The following TMEM232 variants were observed in gnomAD, a reference collection of about 807,000 sequenced individuals.
The protein encoded by TMEM232 is transmembrane protein 232.
Under a neutral mutation model 78.8 loss-of-function variants are expected in TMEM232, and 80 were observed. The ratio of observed to expected loss-of-function variants is 1.01; its 90% CI spans 0.85 to 1.22. The LOEUF (loss-of-function observed/expected upper bound fraction) is 1.22, where lower values mean the gene tolerates loss of function less well. TMEM232 is among the 50% of genes most tolerant of loss of function. The probability of loss-of-function intolerance (pLI) is 0.00; values close to 1 mark genes in which losing one functional copy is unlikely to be tolerated. For synonymous variants in TMEM232, 297 were observed against 254.3 expected, an observed-to-expected ratio of 1.17 and a Z score of -1.60; for missense variants, 881 against 742.2, an observed-to-expected ratio of 1.19 and a Z score of -2.17.
chr5:110,480,032 T>C (rs1003686393), intron 12 of TMEM232, among the ~76,000 whole-genome samples: 1 of 151,890 alleles, frequency 6.6e-6, no homozygotes, highest in East Asian at 1.9e-4. Flanking sequence ...TTATCATATA[T>C]AACTTTCAGC....
intron 2 of TMEM232, among the ~76,000 whole-genome samples, chr5:110,663,333 G>A (rs1370262949): frequency 6.6e-6 from 1 of 151,794 alleles, no homozygotes; most frequent in African/African-American, 2.4e-5. Context: ...GGCATACCTT[G>A]GGAGAATTTA....
At chr5:110,438,262 C>T (rs1253326338) in intron 12 of TMEM232, among the ~76,000 whole-genome samples, 1 of 151,708 alleles carries the variant, frequency 6.6e-6, no homozygotes, top group Non-Finnish European at 1.5e-5. Flanking sequence ...CTGGGTTTGA[C>T]ACTACATCAT....
chr5:110,690,042 A>C (rs1404170556), intron 1 of TMEM232, among the ~76,000 whole-genome samples: 1 of 152,230 alleles, frequency 6.6e-6, no homozygotes, highest in Non-Finnish European at 1.5e-5. Context: ...CTTAGAAGAA[A>C]ACCTAGGCAA....
chr5:110,693,625 G>A (rs953647800), intron 1 of TMEM232, among the ~76,000 whole-genome samples: 8 of 152,186 alleles, frequency 5.3e-5, no homozygotes, highest in African/African-American at 1.9e-4. Context: ...TGATGGAGCT[G>A]AAAACCACGG....
chr5:110,519,909 G>A (rs1581045702), intron 12 of TMEM232, among the ~76,000 whole-genome samples: 2 of 150,946 alleles, frequency 1.3e-5, no homozygotes, highest in Middle Eastern at 7.1e-3. Context: ...ATATTCAGAA[G>A]CTGAATAAAT....
chr5:110,616,921 T>C (rs1219218209), intron 8 of TMEM232, among the ~76,000 whole-genome samples: 1 of 152,202 alleles, frequency 6.6e-6, no homozygotes, highest in African/African-American at 2.4e-5. Flanking sequence ...ACAATCCCAC[T>C]TCTATGTACA....
intron 12 of TMEM232, among the ~76,000 whole-genome samples, chr5:110,452,729 G>A (rs903224813): frequency 6.6e-6 from 1 of 152,156 alleles, no homozygotes; most frequent in African/African-American, 2.4e-5. Context: ...TTAATGTATA[G>A]CCTAGTGTTT....
At chr5:110,417,538 TTAAAG>T (rs1001022013), downstream of TMEM232, 1 of 152,124 alleles carries the variant, frequency 6.6e-6, no homozygotes, top group African/African-American at 2.4e-5. Context: ...GAATTAGTTA[TTAAAG>T]TATAGTAAAG....
chr5:110,711,345 C>A (rs1342204635), intron 1 of TMEM232, among the ~76,000 whole-genome samples: 1 of 152,120 alleles, frequency 6.6e-6, no homozygotes, highest in Non-Finnish European at 1.5e-5. Flanking sequence ...CCAAGACAAT[C>A]TACAGATTCA....
chr5:110,399,456 C>A (rs992837507), intron 2 of TMEM232, among the ~76,000 whole-genome samples: 1 of 152,078 alleles, frequency 6.6e-6, no homozygotes, highest in Non-Finnish European at 1.5e-5. Context: ...CTTTGGGAGA[C>A]AATGAGGGCA....
At chr5:110,490,563 T>C (rs1303780727) in intron 12 of TMEM232, among the ~76,000 whole-genome samples, 1 of 152,108 alleles carries the variant, frequency 6.6e-6, no homozygotes, top group Non-Finnish European at 1.5e-5. Context: ...AAACAGTCTT[T>C]AAAAAGAATA....
intron 12 of TMEM232, among the ~76,000 whole-genome samples, chr5:110,500,261 C>G (rs932209723): frequency 2.9e-5 from 4 of 139,466 alleles, no homozygotes; most frequent in African/African-American, 8.6e-5. Flanking sequence ...TGCACTCTAG[C>G]CTGGGTGACA....
intron 2 of TMEM232, among the ~76,000 whole-genome samples, chr5:110,660,587 T>C (rs537450953): frequency 2.6e-4 from 39 of 152,120 alleles, no homozygotes; most frequent in Non-Finnish European, 4.4e-4. Flanking sequence ...GGGGATAAAT[T>C]ATAAAACACG....
chr5:110,665,891 CAAAAAAAA>C (rs775392111), intron 2 of TMEM232, among the ~76,000 whole-genome samples: 1 of 63,802 alleles, frequency 1.6e-5, no homozygotes, highest in Non-Finnish European at 3.6e-5. Flanking sequence ...CCCATCTCCA[CAAAAAAAA>C]AAAAAAAAAA....
intron 12 of TMEM232, among the ~76,000 whole-genome samples, chr5:110,483,923 C>A (rs1433823977): frequency 6.6e-6 from 1 of 152,010 alleles, no homozygotes; most frequent in Non-Finnish European, 1.5e-5. Context: ...TGTTCATTAA[C>A]GATGGATTCA....
At chr5:110,393,521 T>C (rs1037173553) in intron 3 of TMEM232, among the ~76,000 whole-genome samples, 2 of 152,238 alleles carry the variant, frequency 1.3e-5, no homozygotes, top group African/African-American at 4.8e-5. Flanking sequence ...CCTATGTTTT[T>C]ATAATTAAAA....
intron 1 of TMEM232, among the ~76,000 whole-genome samples, chr5:110,695,552 C>A (rs1000270764): frequency 2.0e-5 from 3 of 152,000 alleles, no homozygotes; most frequent in Non-Finnish European, 4.4e-5. Context: ...TGATAGACTG[C>A]TAGCAAGACT....
chr5:110,546,535 T>C (rs1160614369), intron 11 of TMEM232, among the ~76,000 whole-genome samples: 1 of 152,120 alleles, frequency 6.6e-6, no homozygotes. Flanking sequence ...GGTAATAATA[T>C]TATTGTATAA....
At chr5:110,515,965 C>T (rs1001649260) in intron 12 of TMEM232, among the ~76,000 whole-genome samples, 6 of 152,190 alleles carry the variant, frequency 3.9e-5, no homozygotes, top group Non-Finnish European at 4.4e-5. Flanking sequence ...TGAGGCCGGG[C>T]ACGGTGGCTC....
Sources: gnomAD v4.1 joint callset for allele counts (sites outside exome capture counted in the v4.1 genomes callset) on GRCh38, gnomAD v4.1.1 for gene constraint, MANE v1.5 for transcripts, NCBI Gene and HGNC (gene_info 2026-07-23, HGNC 2026-07-21) for gene names.